MYO3B: variants seen among roughly 807,000 people sequenced by gnomAD.
The protein encoded by MYO3B is myosin-IIIb.
Under a neutral mutation model 174.6 loss-of-function variants are expected in MYO3B, and 156 were observed. That is an observed-to-expected ratio of 0.89 (90% CI 0.78 to 1.02). The LOEUF (loss-of-function observed/expected upper bound fraction) is 1.02, where lower values mean the gene tolerates loss of function less well. Ranked by LOEUF, MYO3B falls within the 50% of genes least tolerant of loss-of-function variation. The probability of loss-of-function intolerance (pLI) is 0.00; values close to 1 mark genes in which losing one functional copy is unlikely to be tolerated. For synonymous variants in MYO3B, 563 were observed against 569.1 expected (o/e 0.99, Z 0.15); for missense variants, 1,632 against 1,639.4 (o/e 1.00, Z 0.08).
chr2:170,574,623 C>T (rs900791221), intron 32 of MYO3B, among the ~76,000 whole-genome samples: 1 of 152,108 alleles, frequency 6.6e-6, no homozygotes, highest in African/African-American at 2.4e-5. Context: ...AAAGTTAAAA[C>T]ACGATTCTCT....
chr2:170,421,451 A>G (rs1055674426), intron 22 of MYO3B, among the ~76,000 whole-genome samples: 11 of 152,206 alleles, frequency 7.2e-5, no homozygotes, highest in African/African-American at 2.7e-4. Context: ...ACAGATCTTT[A>G]AGCACGAGAA....
chr2:170,317,738 G>A (rs1018019233), intron 7 of MYO3B, among the ~76,000 whole-genome samples: 8 of 152,154 alleles, frequency 5.3e-5, no homozygotes, highest in African/African-American at 1.9e-4. Context: ...ATAGGGTAGT[G>A]TTTTTCAAAA....
chr2:170,407,771 T>C lies in MYO3B; in HGVS notation c.2577T>C (p.Asp859=). 1.9e-6 allele frequency: 3 copies of C among 1,614,166 alleles called. No individual in the cohort carries two copies. Among genetic ancestry groups the C allele is most frequent in the Admixed American group, 1.7e-5 (1 of 60,032 alleles). ...AAAATAGAGACACTCTCCCTGCCGA[T>C]GTGGTTGTGGTCCTGAGAACGTCAG... ...LEKNRDTLPA[D]VVVVLRTSEN... is the part of the protein sequence containing the mutation. Residue 859 remains aspartate, a synonymous_variant, in exon 22 of 35, where the codon GAT becomes GAC. Transcript: ENST00000408978.
intron 28 of MYO3B, among the ~76,000 whole-genome samples, chr2:170,514,199 ATGT>A (rs1245635706): frequency 6.6e-6 from 1 of 152,234 alleles, no homozygotes; most frequent in Non-Finnish European, 1.5e-5. Context: ...GAGGTAAAAG[ATGT>A]TGGAACATCT....
intron 7 of MYO3B, among the ~76,000 whole-genome samples, chr2:170,297,233 AT>A (rs946640896): frequency 7.9e-5 from 12 of 152,206 alleles, no homozygotes; most frequent in South Asian, 6.2e-4. Flanking sequence ...TTAGAAAAAG[AT>A]TTTTTCCCCC....
rs1046504714 is a variant in MYO3B, at chr2:170,539,273, C to A, written c.3576-3633C>A. Reference sequence around the variant, plus strand: ...TCCTGTGGTCTTATCCAGCTTGTCCCTCTATGCCCTATGCTTTGCGTAGAC... The same window carrying A: ...TCCTGTGGTCTTATCCAGCTTGTCCATCTATGCCCTATGCTTTGCGTAGAC... On this transcript the variant is annotated intron_variant, in intron 30 of 34. Transcript: ENST00000408978. Among the ~76,000 whole-genome samples, 12 of 152,330 alleles carry A rather than the reference C, an allele frequency of 7.9e-5. No homozygotes were observed. The South Asian group carries it at 1.7e-3, about 21-fold the overall frequency.
At chr2:170,624,290 T>A (rs1013676981) in intron 32 of MYO3B, among the ~76,000 whole-genome samples, 3 of 152,202 alleles carry the variant, frequency 2.0e-5, no homozygotes, top group African/African-American at 7.2e-5. Flanking sequence ...ATCCTTCACA[T>A]CCCTTTTAAG....
intron 9 of MYO3B, among the ~76,000 whole-genome samples, chr2:170,377,172 A>G (rs574078181): frequency 6.6e-6 from 1 of 152,376 alleles, no homozygotes; most frequent in African/African-American, 2.4e-5. Context: ...AGGCCCAGTG[A>G]TGAGATATTA....
intron 6 of MYO3B, among the ~76,000 whole-genome samples, chr2:170,231,345 T>G (rs2093013841): frequency 6.6e-6 from 1 of 152,234 alleles, no homozygotes; most frequent in South Asian, 2.1e-4. Flanking sequence ...AGTGAAAACT[T>G]GTTTCTTGTT....
At chr2:170,281,877 C>T (rs879658533) in intron 7 of MYO3B, among the ~76,000 whole-genome samples, 10 of 152,140 alleles carry the variant, frequency 6.6e-5, no homozygotes, top group East Asian at 1.9e-4. Context: ...GAAATGATGA[C>T]GGGAATGTTA....
chr2:170,312,627 G>A (rs964839847), intron 7 of MYO3B, among the ~76,000 whole-genome samples: 4 of 152,250 alleles, frequency 2.6e-5, no homozygotes, highest in Non-Finnish European at 4.4e-5. Context: ...CTGCGTGGAA[G>A]GCTGGTGGGA....
intron 32 of MYO3B, among the ~76,000 whole-genome samples, chr2:170,634,222 A>G (rs895234518): frequency 2.0e-5 from 3 of 152,256 alleles, no homozygotes; most frequent in African/African-American, 7.2e-5. Flanking sequence ...AAACAATACT[A>G]CAAGGCTACA....
rs546443786 is a variant in MYO3B, at chr2:170,452,816, G to C, written c.2730+8770G>C. On this transcript the variant is annotated intron_variant, in intron 23 of 34. Transcript: ENST00000408978. ...ACAGGAAATCAGAAGCCGTCCATAGGGGAAAATAATCAATAAATGGCAAAA... is the reference window on the plus strand; with the variant it reads ...ACAGGAAATCAGAAGCCGTCCATAGCGGAAAATAATCAATAAATGGCAAAA... 5.3e-5 allele frequency among the ~76,000 whole-genome samples: 8 copies of C among 152,172 alleles called. 1 individual carries two copies. In the South Asian group the frequency reaches 1.5e-3, roughly 28 times the overall value.
intron 1 of MYO3B, among the ~76,000 whole-genome samples, chr2:170,194,541 G>A (rs1241250794): frequency 6.6e-6 from 1 of 151,842 alleles, no homozygotes; most frequent in Non-Finnish European, 1.5e-5. Context: ...AATATACATG[G>A]TTTACATATT....
chr2:170,561,392 G>C (rs1298140440), intron 32 of MYO3B, among the ~76,000 whole-genome samples: 1 of 152,170 alleles, frequency 6.6e-6, no homozygotes, highest in Non-Finnish European at 1.5e-5. Context: ...ATTGCCCTTA[G>C]AGTGACAATC....
At chr2:170,411,589 G>A (rs1158552765) in intron 22 of MYO3B, 1 of 152,152 alleles carries the variant, frequency 6.6e-6, no homozygotes, top group East Asian at 1.9e-4. Context: ...GACACTACTG[G>A]GGCTTGATTT....
At chr2:170,414,281 A>C (rs1353936836) in intron 22 of MYO3B, among the ~76,000 whole-genome samples, 2 of 151,966 alleles carry the variant, frequency 1.3e-5, no homozygotes, top group Admixed American at 1.3e-4. Context: ...TCCATCTCCC[A>C]GGTTCAAGCA....
rs537392756 is a variant in MYO3B, at chr2:170,301,916, CTT to C, written c.750-33468_750-33467del. Among the ~76,000 whole-genome samples, 872 of 134,676 alleles carry C rather than the reference CTT, an allele frequency of 6.5e-3. 13 individuals carry two copies. Among genetic ancestry groups the C allele is most frequent in the African/African-American group, 0.024 (844 of 35,280 alleles). The allele number at this position is 134,676 out of a possible 152,430, so 88.4% of individuals were successfully genotyped here. On this transcript the variant is annotated intron_variant, in intron 7 of 34. Transcript: ENST00000408978. ...TTTTTTTTTAGGAGGCTGGATTTTC[CTT>C]CTCAGTCACTGGCTTGATAATTAGA... is the stretch of plus-strand genomic sequence containing the variant.
chr2:170,443,352 T>C (rs961110440), intron 22 of MYO3B, among the ~76,000 whole-genome samples: 3 of 152,242 alleles, frequency 2.0e-5, no homozygotes, highest in Non-Finnish European at 4.4e-5. Flanking sequence ...GTTTGATTTT[T>C]TCTTGTAAAT....
Sources: gnomAD v4.1 joint callset for allele counts (sites outside exome capture counted in the v4.1 genomes callset) on GRCh38, gnomAD v4.1.1 for gene constraint, MANE v1.5 for transcripts, NCBI Gene and HGNC (gene_info 2026-07-23, HGNC 2026-07-21) for gene names.